Variants in CTNNA2 observed in about 807,000 individuals in gnomAD.
CTNNA2 encodes the protein catenin alpha-2.
CTNNA2 carries 42 observed loss-of-function variants against 101.0 expected under a neutral mutation model. That is an observed-to-expected ratio of 0.42 (90% CI 0.32 to 0.54). CTNNA2 has a LOEUF of 0.54. Ranked by LOEUF, CTNNA2 falls within the 20% of genes least tolerant of loss-of-function variation. CTNNA2 has a pLI of 0.14. For synonymous variants in CTNNA2, 450 were observed against 456.4 expected (o/e 0.99, Z 0.18); for missense variants, 871 against 1,223.1 (o/e 0.71, Z 4.29).
chr2:80,109,639 C>T (rs1701093498), intron 7 of CTNNA2, among the ~76,000 whole-genome samples: 1 of 152,150 alleles, frequency 6.6e-6, no homozygotes, highest in Non-Finnish European at 1.5e-5. Flanking sequence ...ATGTTCTCTG[C>T]TTCTCAAAAA....
chr2:79,934,032 G>T (rs938000801), intron 7 of CTNNA2, among the ~76,000 whole-genome samples: 1 of 152,074 alleles, frequency 6.6e-6, no homozygotes, highest in Admixed American at 6.5e-5. Context: ...GTTCAGGTCG[G>T]CACTAAGCTG....
rs1169116598 is a variant in CTNNA2, at chr2:79,582,740, A to G, written c.-5-68812A>G. On this transcript the variant is annotated intron_variant, in intron 1 of 18. Transcript: ENST00000402739. ...TTTTCTGCCTTCTTCCCTCTTTTCA[A>G]TGCCAGGTTTGTTCAGGTATAATTA... Among the ~76,000 whole-genome samples, 4 of 152,176 alleles carry G rather than the reference A, an allele frequency of 2.6e-5. No individual in the cohort carries two copies. The South Asian group carries it at 6.2e-4, about 24-fold the overall frequency.
intron 3 of CTNNA2, among the ~76,000 whole-genome samples, chr2:79,770,955 G>C (rs1312398958): frequency 2.0e-5 from 3 of 152,184 alleles, no homozygotes; most frequent in African/African-American, 7.2e-5. Flanking sequence ...GAATTACCAG[G>C]TAACACAGTT....
At chr2:80,233,038 T>C (rs6738092) in intron 7 of CTNNA2, among the ~76,000 whole-genome samples, 35,525 of 152,130 alleles carry the variant, frequency 0.23, 6,504 homozygotes, top group African/African-American at 0.51. Context: ...GACTGTTGCC[T>C]GTCAGATATC....
intron 2 of CTNNA2, among the ~76,000 whole-genome samples, chr2:79,223,829 C>T (rs1364385080): frequency 6.6e-6 from 1 of 152,144 alleles, no homozygotes; most frequent in Non-Finnish European, 1.5e-5. Flanking sequence ...GTCTAAGCTC[C>T]AAGACATGAG....
chr2:79,288,831 C>T (rs570454446), intron 2 of CTNNA2, among the ~76,000 whole-genome samples: 4 of 152,162 alleles, frequency 2.6e-5, no homozygotes, highest in African/African-American at 4.8e-5. Context: ...TACTGACTTT[C>T]AGTGGGGGAA....
At chr2:79,288,485 G>T (rs1322224965) in intron 2 of CTNNA2, among the ~76,000 whole-genome samples, 1 of 152,130 alleles carries the variant, frequency 6.6e-6, no homozygotes, top group Non-Finnish European at 1.5e-5. Context: ...GAAGCTACTG[G>T]AAGATTTGAC....
chr2:79,736,997 T>G (rs977561641), intron 2 of CTNNA2, among the ~76,000 whole-genome samples: 1 of 152,162 alleles, frequency 6.6e-6, no homozygotes, highest in African/African-American at 2.4e-5. Context: ...ACCAAGCTGT[T>G]TGTAAGGAAT....
chr2:79,597,461 G>A (rs1344936981), intron 1 of CTNNA2, among the ~76,000 whole-genome samples: 12 of 76,834 alleles, frequency 1.6e-4, no homozygotes, highest in African/African-American at 5.1e-4. Flanking sequence ...GACAGAGCGG[G>A]TCTCAAAAAA....
At chr2:79,402,630 A>G (rs182686245) in intron 4 of CTNNA2, among the ~76,000 whole-genome samples, 3 of 151,826 alleles carry the variant, frequency 2.0e-5, no homozygotes, top group East Asian at 3.9e-4. Context: ...ATCATACTGC[A>G]TCATAGGTAA....
At chr2:80,185,382 C>T (rs1335481336) in intron 7 of CTNNA2, among the ~76,000 whole-genome samples, 1 of 152,086 alleles carries the variant, frequency 6.6e-6, no homozygotes. Context: ...AAGTGACACC[C>T]CATCACTTTT....
At chr2:79,889,107 A>G (rs1045405011) in intron 6 of CTNNA2, among the ~76,000 whole-genome samples, 3 of 152,132 alleles carry the variant, frequency 2.0e-5, no homozygotes, top group Non-Finnish European at 2.9e-5. Context: ...CCTATGTTAC[A>G]GTGCTGGGAA....
chr2:80,184,474 T>C (rs1367621911), intron 7 of CTNNA2, among the ~76,000 whole-genome samples: 1 of 152,154 alleles, frequency 6.6e-6, no homozygotes, highest in African/African-American at 2.4e-5. Flanking sequence ...CAGAATAGTT[T>C]TGATGAATTG....
At chr2:80,358,880 T>TA (rs879536469) in intron 7 of CTNNA2, among the ~76,000 whole-genome samples, 80 of 149,856 alleles carry the variant, frequency 5.3e-4, no homozygotes, top group African/African-American at 1.3e-3. Flanking sequence ...CTTCACCCAT[T>TA]AAAAAAAAAC....
chr2:79,626,637 G>A (rs150214212), intron 1 of CTNNA2, among the ~76,000 whole-genome samples: 2 of 138,378 alleles, frequency 1.4e-5, no homozygotes, highest in Admixed American at 7.1e-5. Context: ...GTGTGTGTGT[G>A]TGTGTGTGTG....
At chr2:80,564,471 A>C (rs942807688) in intron 12 of CTNNA2, among the ~76,000 whole-genome samples, 3 of 149,284 alleles carry the variant, frequency 2.0e-5, no homozygotes, top group African/African-American at 7.4e-5. Flanking sequence ...ATGCTCCCTG[A>C]TTCTTTTAGG....
chr2:79,736,988 C>T (rs1399349619), intron 2 of CTNNA2, among the ~76,000 whole-genome samples: 16 of 152,150 alleles, frequency 1.1e-4, no homozygotes, highest in Non-Finnish European at 7.3e-5. Flanking sequence ...AATTGATTCA[C>T]CAAGCTGTTT....
intron 7 of CTNNA2, among the ~76,000 whole-genome samples, chr2:80,244,000 G>T (rs930880357): frequency 5.3e-5 from 8 of 152,182 alleles, no homozygotes; most frequent in Non-Finnish European, 1.2e-4. Flanking sequence ...ATCAAACGTG[G>T]CCTCATCTCT....
chr2:79,940,409 G>A (rs1048942748), intron 7 of CTNNA2, among the ~76,000 whole-genome samples: 8 of 152,256 alleles, frequency 5.3e-5, no homozygotes, highest in Non-Finnish European at 7.4e-5. Flanking sequence ...GATAAATACC[G>A]ATTTGATCTT....
Sources: gnomAD v4.1 joint callset for allele counts (sites outside exome capture counted in the v4.1 genomes callset) on GRCh38, gnomAD v4.1.1 for gene constraint, MANE v1.5 for transcripts, NCBI Gene and HGNC (gene_info 2026-07-23, HGNC 2026-07-21) for gene names.